THSD7A: variants seen among roughly 807,000 people sequenced by gnomAD.
The protein encoded by THSD7A is thrombospondin type 1 domain containing 7A, also known as thrombospondin type-1 domain-containing protein 7A.
Under a neutral mutation model 231.3 loss-of-function variants are expected in THSD7A, and 96 were observed. The observed-to-expected ratio is 0.41, with a 90% CI of 0.35 to 0.49. The LOEUF (loss-of-function observed/expected upper bound fraction) is 0.49, where lower values mean the gene tolerates loss of function less well. THSD7A is among the 20% of genes least tolerant of loss of function. The pLI is 0.05. For missense variants in THSD7A, 2,290 were observed against 2,070.2 expected (o/e 1.11, Z -2.06); for synonymous variants, 940 against 743.3 (o/e 1.26, Z -4.30).
intron 4 of THSD7A, among the ~76,000 whole-genome samples, chr7:11,547,820 A>G (rs1382906055): frequency 6.6e-6 from 1 of 152,172 alleles, no homozygotes; most frequent in Non-Finnish European, 1.5e-5. Flanking sequence ...ATTAATGAAA[A>G]CAAACATACA....
chr7:11,721,407 C>G (rs1236313427), intron 1 of THSD7A, among the ~76,000 whole-genome samples: 5 of 151,742 alleles, frequency 3.3e-5, no homozygotes, highest in Non-Finnish European at 1.5e-5. Context: ...CACTTTTGGT[C>G]TCTTTCCTCC....
intron 11 of THSD7A, among the ~76,000 whole-genome samples, chr7:11,459,732 G>T (rs1169095843): frequency 2.5e-5 from 2 of 79,966 alleles, no homozygotes; most frequent in Non-Finnish European, 5.0e-5. Context: ...TCTTAAAAAG[G>T]CAGTTTTTTT....
chr7:11,471,000 G>C lies in THSD7A; in HGVS notation c.2253-1006C>G, dbSNP rs920838307. ...TACACTTGAGCTTAGCCAAAAGGCT[G>C]AGAAGTAATAATTTTTAAATTTCCC... On this transcript the variant is annotated intron_variant, in intron 8 of 27. Transcript: ENST00000423059. Among the ~76,000 whole-genome samples the C allele has an allele frequency of 5.3e-5, 8 of 151,992 alleles. No individual in the cohort carries two copies. The East Asian group carries it at 1.5e-3, about 29-fold the overall frequency.
intron 2 of THSD7A, among the ~76,000 whole-genome samples, chr7:11,623,282 T>C (rs559697707): frequency 6.6e-6 from 1 of 152,246 alleles, no homozygotes; most frequent in South Asian, 2.1e-4. Flanking sequence ...TCTTCCCACT[T>C]AGGGCGGAAC....
chr7:11,564,824 T>C (rs1790235648), intron 4 of THSD7A, among the ~76,000 whole-genome samples: 1 of 152,188 alleles, frequency 6.6e-6, no homozygotes, highest in Non-Finnish European at 1.5e-5. Flanking sequence ...TTTATAGAAA[T>C]AAACATATGT....
At chr7:11,536,921 A>T (rs957843006) in intron 6 of THSD7A, among the ~76,000 whole-genome samples, 2 of 152,258 alleles carry the variant, frequency 1.3e-5, no homozygotes, top group African/African-American at 4.8e-5. Context: ...TTAATAATAT[A>T]TGTCTGAAAA....
chr7:11,688,651 T>C (rs1435783367), intron 1 of THSD7A, among the ~76,000 whole-genome samples: 1 of 151,704 alleles, frequency 6.6e-6, no homozygotes, highest in African/African-American at 2.4e-5. Flanking sequence ...GATAAAGAGG[T>C]AACATGAGCA....
At chr7:11,464,837 G>A (rs1480866915) in intron 9 of THSD7A, among the ~76,000 whole-genome samples, 1 of 152,116 alleles carries the variant, frequency 6.6e-6, no homozygotes, top group Non-Finnish European at 1.5e-5. Flanking sequence ...TTACCCATTG[G>A]CAGGTCTGTT....
intron 7 of THSD7A, among the ~76,000 whole-genome samples, chr7:11,480,202 A>C (rs976549018): frequency 6.6e-6 from 1 of 152,224 alleles, no homozygotes; most frequent in African/African-American, 2.4e-5. Context: ...AACTCAGTGG[A>C]TGATACATAT....
chr7:11,525,956 A>G (rs574113016), intron 6 of THSD7A, among the ~76,000 whole-genome samples: 4 of 152,296 alleles, frequency 2.6e-5, no homozygotes, highest in Non-Finnish European at 5.9e-5. Flanking sequence ...AGTTATCTGG[A>G]ATATTCCTAG....
In THSD7A at chr7:11,417,516, C is replaced by T. The variant is rs771111742; in HGVS notation, c.3471G>A (p.Val1157=). Reference sequence around the variant, plus strand: ...AGTCCTCAGGGCATGGTAATTTGCACACTCTAGAGCCCAGGGGCATCTCTT... The same window carrying T: ...AGTCCTCAGGGCATGGTAATTTGCATACTCTAGAGCCCAGGGGCATCTCTT... ...DPEEMPLGSR[V]CKLPCPEDCV... The change falls in exon 17 of 28, where the codon GTG becomes GTA. Residue 1157 remains valine, a synonymous_variant. Coordinates refer to ENST00000423059, the MANE Select transcript of THSD7A (RefSeq NM_015204.3). The T allele has an allele frequency of 1.2e-6, 2 of 1,613,772 alleles. No individual in the cohort carries two copies. Among genetic ancestry groups the T allele is most frequent in the Non-Finnish European group, 8.5e-7 (1 of 1,179,760 alleles).
intron 1 of THSD7A, among the ~76,000 whole-genome samples, chr7:11,765,187 A>G (rs978185537): frequency 6.6e-6 from 1 of 152,344 alleles, no homozygotes; most frequent in South Asian, 2.1e-4. Context: ...TAGTTCAGGG[A>G]CTTATTTAAA....
chr7:11,813,106 AT>A (rs1186791642), intron 1 of THSD7A, among the ~76,000 whole-genome samples: 1 of 152,126 alleles, frequency 6.6e-6, no homozygotes, highest in African/African-American at 2.4e-5. Flanking sequence ...TATAATTTAG[AT>A]TTCTCTGCAA....
At chr7:11,797,223 A>G (rs1784149637) in intron 1 of THSD7A, among the ~76,000 whole-genome samples, 1 of 152,030 alleles carries the variant, frequency 6.6e-6, no homozygotes. Context: ...TTTGCTTTCA[A>G]ATTTATCTGG....
intron 23 of THSD7A, among the ~76,000 whole-genome samples, chr7:11,385,908 A>C (rs1455143983): frequency 6.6e-6 from 1 of 151,684 alleles, no homozygotes; most frequent in African/African-American, 2.4e-5. Flanking sequence ...GTGATGTTCC[A>C]TTCCCTGTGT....
At chr7:11,522,776 AAT>A (rs1434860878) in intron 6 of THSD7A, among the ~76,000 whole-genome samples, 1 of 152,182 alleles carries the variant, frequency 6.6e-6, no homozygotes, top group Non-Finnish European at 1.5e-5. Context: ...TTATTGTGGC[AAT>A]GTTTCTTTTG....
chr7:11,470,526 ATATT>A (rs1785895381), intron 8 of THSD7A, among the ~76,000 whole-genome samples: 2 of 151,854 alleles, frequency 1.3e-5, no homozygotes, highest in South Asian at 4.1e-4. Context: ...TAAAAACTAC[ATATT>A]TAATAATAAT....
At chr7:11,754,210 T>C (rs1236523369) in intron 1 of THSD7A, among the ~76,000 whole-genome samples, 2 of 151,930 alleles carry the variant, frequency 1.3e-5, no homozygotes, top group Non-Finnish European at 1.5e-5. Context: ...GAAGTAAAAG[T>C]ATGAAAATGT....
intron 23 of THSD7A, among the ~76,000 whole-genome samples, chr7:11,400,948 C>T (rs1783381247): frequency 6.6e-6 from 1 of 152,148 alleles, no homozygotes; most frequent in Non-Finnish European, 1.5e-5. Context: ...CAAACCACGA[C>T]ATTTAATGCT....
Sources: allele counts gnomAD v4.1 joint callset (sites outside exome capture counted in the v4.1 genomes callset), GRCh38; gene constraint gnomAD v4.1.1; transcripts MANE v1.5; gene names NCBI Gene and HGNC (gene_info 2026-07-23, HGNC 2026-07-21).